SLC9C2: variants seen among roughly 807,000 people sequenced by gnomAD.
The protein encoded by SLC9C2 is solute carrier family 9 member C2 (putative).
Under a neutral mutation model 140.2 loss-of-function variants are expected in SLC9C2, and 75 were observed. That is an observed-to-expected ratio of 0.53 (90% CI 0.44 to 0.65). The LOEUF (loss-of-function observed/expected upper bound fraction) is 0.65. SLC9C2 is among the 30% of genes least tolerant of loss of function. SLC9C2 has a pLI of 0.00. For missense variants in SLC9C2, 1,074 were observed against 1,331.8 expected (o/e 0.81, Z 3.01); for synonymous variants, 375 against 420.9 (o/e 0.89, Z 1.34).
Position 173,505,238 on chromosome 1 carries a change from A to AC in SLC9C2, c.3310+8dup, listed in dbSNP as rs777693588. The stretch of plus-strand genomic sequence containing the variant: ...ATAGTTTTCCTACCACTAAAGGTCT[A>AC]CCCCTTACCCATGACATTGGTGTTA... On this transcript the variant is annotated intron_variant, in intron 26 of 27. Coordinates refer to ENST00000367714, the MANE Select transcript of SLC9C2 (RefSeq NM_178527.4). 5.0e-6 allele frequency: 8 copies of AC among 1,608,378 alleles called. No individual in the cohort carries two copies. The highest frequency in any genetic ancestry group is 3.3e-4 in the Middle Eastern group (2 of 6,078).
intron 22 of SLC9C2, among the ~76,000 whole-genome samples, chr1:173,518,796 C>T (rs1003558325): frequency 2.6e-5 from 4 of 152,058 alleles, no homozygotes; most frequent in South Asian, 2.1e-4. Context: ...TTTTTAATGG[C>T]TGTAATTTTG....
chr1:173,526,324 T>G (rs1012231493), intron 19 of SLC9C2, among the ~76,000 whole-genome samples: 2 of 152,198 alleles, frequency 1.3e-5, no homozygotes, highest in African/African-American at 4.8e-5. Flanking sequence ...ACATGTCTTT[T>G]TCTTCTAACC....
chr1:173,518,949 T>C (rs1660612786), intron 22 of SLC9C2, among the ~76,000 whole-genome samples: 1 of 152,098 alleles, frequency 6.6e-6, no homozygotes, highest in Non-Finnish European at 1.5e-5. Context: ...AATACTAATC[T>C]AGGGACTGCA....
intron 27 of SLC9C2, 65 bp from the exon 28 acceptor site, chr1:173,501,162 T>C (rs1288293729): frequency 4.2e-6 from 6 of 1,442,812 alleles, no homozygotes; most frequent in Non-Finnish European, 5.5e-6. Flanking sequence ...TTCTTACCTA[T>C]TAAATGGAAC....
chr1:173,536,947 T>G lies in SLC9C2; in HGVS notation c.1650A>C (p.Gln550His). The change falls in exon 14 of 28, where the codon CAA becomes CAC. Residue 550 changes from glutamine (Q) to histidine (H), a missense_variant. By Grantham distance (24) the Gln-to-His change is conservative (BLOSUM62 0). Coordinates refer to ENST00000367714, the MANE Select transcript of SLC9C2 (RefSeq NM_178527.4). ...IGAAKCYYSIQGKFMSIYDVS... is the reference protein window; with the variant it reads ...IGAAKCYYSIHGKFMSIYDVS... ...TAAAGAAGTGTTATACTTACTTTCC[T>G]TGGATGGAGTAATAGCATTTTGCTG... The G allele has an allele frequency of 6.2e-7, 1 of 1,611,554 alleles. No homozygotes were observed. The highest frequency in any genetic ancestry group is 1.1e-5 in the South Asian group (1 of 90,838).
chr1:173,548,583 T>C (rs763039599), intron 11 of SLC9C2, 31 bp from the exon 12 acceptor site: 31 of 1,611,862 alleles, frequency 1.9e-5, no homozygotes, highest in Admixed American at 3.3e-5. Context: ...AAGGCCTTAA[T>C]AGAGTACAGT....
At chr1:173,570,493 G>A (rs1313798152) in intron 9 of SLC9C2, among the ~76,000 whole-genome samples, 1 of 152,114 alleles carries the variant, frequency 6.6e-6, no homozygotes, top group African/African-American at 2.4e-5. Flanking sequence ...ATTGTTCTGA[G>A]CTGCGCTGCT....
intron 7 of SLC9C2, among the ~76,000 whole-genome samples, chr1:173,579,037 T>A (rs1043986734): frequency 6.6e-6 from 1 of 152,182 alleles, no homozygotes; most frequent in Non-Finnish European, 1.5e-5. Flanking sequence ...CTACAAAGAA[T>A]TGTTGGTTGA....
chr1:173,576,880 G>T, intron 7 of SLC9C2, 120 bp from the exon 8 acceptor site: 2 of 686,792 alleles, frequency 2.9e-6, no homozygotes, highest in Non-Finnish European at 2.3e-6. Flanking sequence ...TTCTTAGAAG[G>T]TTGCTTCAAG....
At chr1:173,602,167 C>A (rs1425490035) in intron 1 of SLC9C2, among the ~76,000 whole-genome samples, 1 of 152,156 alleles carries the variant, frequency 6.6e-6, no homozygotes. Flanking sequence ...AAGGCCAGGG[C>A]CCGAACTTTC....
At chr1:173,586,063 G>A (rs1374696128) in intron 5 of SLC9C2, among the ~76,000 whole-genome samples, 1 of 152,094 alleles carries the variant, frequency 6.6e-6, no homozygotes, top group Non-Finnish European at 1.5e-5. Context: ...AACATTTATA[G>A]TTTATTATAA....
chr1:173,599,527 A>C (rs1211462097), intron 3 of SLC9C2, among the ~76,000 whole-genome samples: 1 of 151,840 alleles, frequency 6.6e-6, no homozygotes, highest in Non-Finnish European at 1.5e-5. Flanking sequence ...GGCGCCCGCC[A>C]CAACACCTGG....
Position 173,554,752 on chromosome 1 carries a change from A to G in SLC9C2, c.1278T>C (p.Thr426=). ...CTTTACCTAACTTCCTGGCTGACTG[A>G]GTCATCACGTATGAATTTATTCCCA... ...LTMGINSYVM[T]QSARKLDLCV... Residue 426 remains threonine, a synonymous_variant, in exon 11 of 28, where the codon ACT becomes ACC. Coordinates refer to ENST00000367714, the MANE Select transcript of SLC9C2 (RefSeq NM_178527.4). The G allele has an allele frequency of 6.2e-7, 1 of 1,607,272 alleles. No homozygotes were observed. The highest frequency in any genetic ancestry group is 8.5e-7 in the Non-Finnish European group (1 of 1,173,918).
chr1:173,505,227 A>G lies in SLC9C2; in HGVS notation c.3310+20T>C. ...GTTCCTTCTCAATAGTTTTCCTACC[A>G]CTAAAGGTCTACCCCTTACCCATGA... On this transcript the variant is annotated intron_variant, in intron 26 of 27. Coordinates refer to ENST00000367714, the MANE Select transcript of SLC9C2 (RefSeq NM_178527.4). 1 of 1,594,118 alleles carries G rather than the reference A, an allele frequency of 6.3e-7. No homozygotes were observed. The highest frequency in any genetic ancestry group is 8.6e-7 in the Non-Finnish European group (1 of 1,164,656).
At chr1:173,511,182 C>T (rs1455252277) in intron 23 of SLC9C2, among the ~76,000 whole-genome samples, 1 of 151,864 alleles carries the variant, frequency 6.6e-6, no homozygotes, top group Non-Finnish European at 1.5e-5. Flanking sequence ...TATAAGTGCG[C>T]CACCATGCCC....
chr1:173,519,255 G>A (rs1660636399), intron 22 of SLC9C2, among the ~76,000 whole-genome samples: 3 of 152,104 alleles, frequency 2.0e-5, no homozygotes, highest in African/African-American at 7.2e-5. Flanking sequence ...GAAGCTCTAG[G>A]AGCTCAAGGT....
At chr1:173,558,953 G>A (rs1437255160) in intron 9 of SLC9C2, among the ~76,000 whole-genome samples, 1 of 152,128 alleles carries the variant, frequency 6.6e-6, no homozygotes, top group Non-Finnish European at 1.5e-5. Context: ...TTGCTTTTCT[G>A]GGGGTTGATT....
At chr1:173,502,500 A>C (rs1226643444) in intron 27 of SLC9C2, among the ~76,000 whole-genome samples, 2 of 152,098 alleles carry the variant, frequency 1.3e-5, no homozygotes, top group Non-Finnish European at 2.9e-5. Context: ...CTCTACAGTC[A>C]TGAGCCCTGC....
rs539429614 is a variant in SLC9C2, at chr1:173,573,612, A to G, written c.903-287T>C. ...ACCTCCCCCAGCTGATGATTTATCA[A>G]TTTCTCTGGGATTCAGTGGGAGCAT... On this transcript the variant is annotated intron_variant, in intron 8 of 27. Transcript: ENST00000367714. Among the ~76,000 whole-genome samples, 21 of 152,250 alleles carry G rather than the reference A, an allele frequency of 1.4e-4. No homozygotes were observed. The South Asian group carries it at 4.4e-3, about 32-fold the overall frequency.
Sources: allele counts gnomAD v4.1 joint callset (sites outside exome capture counted in the v4.1 genomes callset), GRCh38; gene constraint gnomAD v4.1.1; transcripts MANE v1.5; gene names NCBI Gene and HGNC (gene_info 2026-07-23, HGNC 2026-07-21).